The following PPFIBP2 variants were observed in gnomAD, a reference collection of about 807,000 sequenced individuals.
The protein encoded by PPFIBP2 is PPFIB scaffold protein 2.
In PPFIBP2, 118 loss-of-function variants were observed where a neutral mutation model predicts 118.3. The observed-to-expected ratio is 1.00, with a 90% CI of 0.86 to 1.16. The LOEUF is 1.16. Ranked by LOEUF, PPFIBP2 falls within the 50% of genes most tolerant of loss-of-function variation. The pLI, the probability that PPFIBP2 is intolerant of heterozygous loss-of-function variation, is 0.00. For missense variants in PPFIBP2, 1,195 were observed against 1,073.1 expected (o/e 1.11, Z -1.59); for synonymous variants, 414 against 397.4 (o/e 1.04, Z -0.50).
chr11:7,517,824 C>A (rs1274232719), intron 1 of PPFIBP2, among the ~76,000 whole-genome samples: 1 of 152,176 alleles, frequency 6.6e-6, no homozygotes. Context: ...CATCAGTCTT[C>A]AGCGGCAAGG....
Position 7,649,236 on chromosome 11 carries a change from G to T in PPFIBP2, c.1998+1G>T, listed in dbSNP as rs748864367. ...ACGAATGCTGCAATACCTAACTGTG[G>T]TGAGGACTTTTTCTTTAAATATTTC... On this transcript the variant is annotated splice_donor_variant, in intron 20 of 23. Transcript: ENST00000299492. LOFTEE classifies it high-confidence loss of function. 6.2e-7 allele frequency: 1 copy of T among 1,610,840 alleles called. No homozygotes were observed. Among genetic ancestry groups the T allele is most frequent in the Non-Finnish European group, 8.5e-7 (1 of 1,177,332 alleles).
At chr11:7,571,420 CA>C (rs35517229) in intron 3 of PPFIBP2, among the ~76,000 whole-genome samples, 34,207 of 142,886 alleles carry the variant, frequency 0.24, 4,124 homozygotes, top group African/African-American at 0.34. Flanking sequence ...AGAGGAGTTG[CA>C]AAAAAAAAAG....
chr11:7,665,727 A>AGTC, the PPFIBP2 span: 1 of 1,192,906 alleles, frequency 8.4e-7, no homozygotes. Flanking sequence ...CCTCTGCAGC[A>AGTC]ATCACCCCAG....
chr11:7,636,324 G>GT (rs1851447217), intron 14 of PPFIBP2, among the ~76,000 whole-genome samples: 1 of 151,976 alleles, frequency 6.6e-6, no homozygotes, highest in Non-Finnish European at 1.5e-5. Context: ...CCACATCTGC[G>GT]TAAGAGAAAG....
chr11:7,611,372 T>C (rs1306276661), intron 6 of PPFIBP2, among the ~76,000 whole-genome samples: 5 of 152,004 alleles, frequency 3.3e-5, no homozygotes, highest in Non-Finnish European at 7.3e-5. Flanking sequence ...AGATGGATAT[T>C]GTTCCCTTCT....
intron 1 of PPFIBP2, among the ~76,000 whole-genome samples, chr11:7,520,271 G>A (rs1365146696): frequency 5.3e-5 from 8 of 152,164 alleles, no homozygotes; most frequent in Admixed American, 1.3e-4. Flanking sequence ...CTGCTACGTG[G>A]TACCCAGACG....
chr11:7,593,023 A>G lies in PPFIBP2; in HGVS notation c.280-109A>G, dbSNP rs890481580. 9.7e-6 allele frequency: 14 copies of G among 1,447,768 alleles called. No homozygotes were observed. In the East Asian group the frequency reaches 1.4e-4, roughly 15 times the overall value. The allele number at this position is 1,447,768 out of a possible 1,614,324, so 89.7% of individuals were successfully genotyped here. On this transcript the variant is annotated intron_variant, in intron 3 of 23. Transcript: ENST00000299492. Reference sequence around the variant, plus strand: ...TTTGATGATTGGTTTTGTACATATAATCAGTGAAACTATCCTCACAAATTA... The same window carrying G: ...TTTGATGATTGGTTTTGTACATATAGTCAGTGAAACTATCCTCACAAATTA...
chr11:7,627,433 C>T (rs1656293347), intron 8 of PPFIBP2, among the ~76,000 whole-genome samples: 1 of 151,786 alleles, frequency 6.6e-6, no homozygotes, highest in African/African-American at 2.4e-5. Flanking sequence ...AATGGGAGGC[C>T]TATATATTTG....
At chr11:7,649,124 A>G (rs1411600371) in intron 19 of PPFIBP2, 23 bp from the exon 20 acceptor site, 1 of 1,602,188 alleles carries the variant, frequency 6.2e-7, no homozygotes, top group East Asian at 2.2e-5. Flanking sequence ...ATCCTGACAC[A>G]TCTGGGGTTT....
At chr11:7,649,709 A>G in intron 21 of PPFIBP2, 55 bp downstream of exon 21, 4 of 1,603,974 alleles carry the variant, frequency 2.5e-6, no homozygotes, top group Non-Finnish European at 3.4e-6. Flanking sequence ...CCCCTGAAAC[A>G]TCGAGCATGA....
At chr11:7,655,022 G>A (rs185604990), downstream of PPFIBP2, among the ~76,000 whole-genome samples, 5 of 152,286 alleles carry the variant, frequency 3.3e-5, no homozygotes, top group Admixed American at 3.3e-4. Flanking sequence ...CCTATGTCAG[G>A]GCATTGGTGT....
chr11:7,637,792 C>T (rs1360263404), intron 14 of PPFIBP2, among the ~76,000 whole-genome samples: 1 of 152,224 alleles, frequency 6.6e-6, no homozygotes, highest in African/African-American at 2.4e-5. Context: ...TCAGAGAGCC[C>T]TTTCCATTGT....
intron 13 of PPFIBP2, among the ~76,000 whole-genome samples, 165 bp from the exon 14 acceptor site, chr11:7,635,387 A>G (rs527361604): frequency 6.6e-6 from 1 of 152,328 alleles, no homozygotes; most frequent in South Asian, 2.1e-4. Context: ...GGAGTTGGAC[A>G]GGGATCTTTC....
intron 2 of PPFIBP2, among the ~76,000 whole-genome samples, chr11:7,557,607 C>T (rs1853789947): frequency 6.6e-6 from 1 of 151,570 alleles, no homozygotes; most frequent in African/African-American, 2.4e-5. Flanking sequence ...TTCTCAGCCT[C>T]CTGAGTAATT....
chr11:7,582,333 A>G (rs1857402063), intron 3 of PPFIBP2, among the ~76,000 whole-genome samples: 2 of 152,074 alleles, frequency 1.3e-5, no homozygotes, highest in Non-Finnish European at 2.9e-5. Context: ...AGCTTCCTCA[A>G]TTTCCTATGA....
At chr11:7,556,403 G>A (rs1336623498) in intron 2 of PPFIBP2, among the ~76,000 whole-genome samples, 4 of 152,154 alleles carry the variant, frequency 2.6e-5, no homozygotes, top group Non-Finnish European at 4.4e-5. Flanking sequence ...TGCAATGATC[G>A]TGCCACTGCA....
At chr11:7,629,122 C>T (rs1192658766) in intron 9 of PPFIBP2, among the ~76,000 whole-genome samples, 9 of 151,858 alleles carry the variant, frequency 5.9e-5, no homozygotes, top group Non-Finnish European at 1.2e-4. Context: ...TTTTTTGTGT[C>T]GCTCCAGAGG....
chr11:7,520,365 T>C (rs7481382), intron 1 of PPFIBP2, among the ~76,000 whole-genome samples: 152,287 of 152,288 alleles, frequency 1, 76,143 homozygotes, highest in Non-Finnish European at 1. Context: ...CTTTTGCTGT[T>C]TTGCCGACGC....
At chr11:7,546,898 G>A (rs866660450) in intron 1 of PPFIBP2, among the ~76,000 whole-genome samples, 7 of 152,112 alleles carry the variant, frequency 4.6e-5, no homozygotes, top group South Asian at 2.1e-4. Flanking sequence ...TCATACTTCC[G>A]TCTCTTCCAC....
Sources: allele counts gnomAD v4.1 joint callset (sites outside exome capture counted in the v4.1 genomes callset), GRCh38; gene constraint gnomAD v4.1.1; transcripts MANE v1.5; gene names NCBI Gene and HGNC (gene_info 2026-07-23, HGNC 2026-07-21).